Variants in KCNJ15 observed in about 807,000 individuals in gnomAD.
KCNJ15 encodes ATP-sensitive inward rectifier potassium channel 15.
Under a neutral mutation model 23.0 loss-of-function variants are expected in KCNJ15, and 14 were observed. The ratio of observed to expected loss-of-function variants is 0.61; its 90% CI spans 0.40 to 0.95. The LOEUF (loss-of-function observed/expected upper bound fraction) is 0.95. KCNJ15 is among the 40% of genes least tolerant of loss of function. KCNJ15 has a pLI of 0.00. For missense variants in KCNJ15, 388 were observed against 461.8 expected, an observed-to-expected ratio of 0.84 and a Z score of 1.46; for synonymous variants, 185 against 183.2, an observed-to-expected ratio of 1.01 and a Z score of -0.08.
chr21:38,288,752 T>C (rs191367837), intron 1 of KCNJ15, among the ~76,000 whole-genome samples: 1 of 152,330 alleles, frequency 6.6e-6, no homozygotes, highest in African/African-American at 2.4e-5. Context: ...TTGTAAATTA[T>C]ATAATGATAT....
chr21:38,266,707 G>A (rs755244173), intron 1 of KCNJ15, among the ~76,000 whole-genome samples: 2 of 152,166 alleles, frequency 1.3e-5, no homozygotes, highest in Admixed American at 6.5e-5. Context: ...GGTATTTCTG[G>A]TTCTAGATCC....
Position 38,302,115 on chromosome 21 carries a change from A to G in KCNJ15, c.*1726A>G, listed in dbSNP as rs748703745. 1.3e-5 allele frequency: 2 copies of G among 152,246 alleles called. No individual in the cohort carries two copies. The highest frequency in any genetic ancestry group is 2.4e-5 in the African/African-American group (1 of 41,454). The allele number at this position is 152,246 out of a possible 1,614,324, so 9.4% of individuals were successfully genotyped here. On this transcript the variant is annotated 3_prime_UTR_variant, in exon 3 of 3. Coordinates refer to ENST00000398938, the MANE Select transcript of KCNJ15 (RefSeq NM_170736.3). ...AGGCCCTGGCTCTTCAAGCATAATC[A>G]TGGTAGTCATCAGTGAAAGACATTT...
At chr21:38,238,733 T>C in intron 1 of KCNJ15, 1 of 385,920 alleles carries the variant, frequency 2.6e-6, no homozygotes, top group Non-Finnish European at 5.0e-6. Flanking sequence ...AGGAAGTTGT[T>C]TTCCCCACTG....
upstream of KCNJ15, chr21:38,256,631 TTTATAGTTTAC>T (rs1310506611): frequency 6.6e-6 from 1 of 151,950 alleles, no homozygotes; most frequent in Non-Finnish European, 1.5e-5. Context: ...TGGTTATTTA[TTTATAGTTTAC>T]TTAGCCAAAG....
At chr21:38,244,129 T>G (rs1318724525) in intron 1 of KCNJ15, among the ~76,000 whole-genome samples, 2 of 152,158 alleles carry the variant, frequency 1.3e-5, no homozygotes, top group Non-Finnish European at 2.9e-5. Context: ...ATTTTTTTTT[T>G]GTCTTTGTGA....
At chr21:38,254,924 C>T (rs745886128), upstream of KCNJ15, among the ~76,000 whole-genome samples, 11 of 152,154 alleles carry the variant, frequency 7.2e-5, no homozygotes, top group Admixed American at 2.6e-4. Flanking sequence ...TAAAGTTCCA[C>T]GGTAACAAAT....
At chr21:38,273,020 T>C (rs1789528652) in intron 1 of KCNJ15, among the ~76,000 whole-genome samples, 1 of 151,732 alleles carries the variant, frequency 6.6e-6, no homozygotes, top group African/African-American at 2.4e-5. Context: ...AGGTTAGATA[T>C]ACAAATAAGT....
intron 1 of KCNJ15, chr21:38,272,684 G>A (rs781160452): frequency 3.9e-5 from 6 of 152,114 alleles, no homozygotes; most frequent in African/African-American, 1.4e-4. Flanking sequence ...TTAACCTCAG[G>A]CATGACTTTT....
At position 38,304,957 on chromosome 21, in the gene KCNJ15, G is replaced by C; in HGVS notation, c.*4568G>C. On this transcript the variant is annotated 3_prime_UTR_variant, in exon 3 of 3. Transcript: ENST00000398938. ...AAGCCAGGTGTGGTGGTGCGTGCCT[G>C]TAATCCCAGCTACTCAGGAGACTGA... The C allele has an allele frequency of 6.7e-6, 1 of 150,282 alleles. No homozygotes were observed. Among genetic ancestry groups the C allele is most frequent in the South Asian group, 2.2e-4 (1 of 4,642 alleles). The allele number at this position is 150,282 out of a possible 1,614,324, so 9.3% of individuals were successfully genotyped here.
chr21:38,235,723 T>C (rs1178816120), intron 1 of KCNJ15, among the ~76,000 whole-genome samples: 2 of 152,216 alleles, frequency 1.3e-5, no homozygotes, highest in African/African-American at 2.4e-5. Context: ...GCACATTTAC[T>C]CTATCAATAA....
At chr21:38,265,290 G>A (rs992324751) in intron 1 of KCNJ15, among the ~76,000 whole-genome samples, 3 of 152,194 alleles carry the variant, frequency 2.0e-5, no homozygotes, top group African/African-American at 2.4e-5. Flanking sequence ...ACAATCAAGC[G>A]AATTTCATTG....
intron 1 of KCNJ15, among the ~76,000 whole-genome samples, chr21:38,281,138 A>T (rs777594704): frequency 2.6e-5 from 4 of 152,294 alleles, no homozygotes; most frequent in Middle Eastern, 6.8e-3. Flanking sequence ...GGGAATTCGT[A>T]TGCAAGTTTA....
In KCNJ15 at chr21:38,301,979, C is replaced by CAT. The variant is rs1033284797; in HGVS notation, c.*1591_*1592dup. 1.9e-5 allele frequency: 3 copies of CAT among 154,646 alleles called. No homozygotes were observed. Among genetic ancestry groups the CAT allele is most frequent in the African/African-American group, 7.4e-5 (3 of 40,414 alleles). 9.6% of individuals were successfully genotyped at this position (154,646 alleles called of 1,614,324 possible). A position where few individuals can be genotyped will look rare whatever the true frequency, so the allele number is the denominator to read the frequency against. ...ACAGTCACACACGCACACACACACA[C>CAT]ATGCACACACGCGCGTGCACACACG... is the stretch of plus-strand genomic sequence containing the variant. On this transcript the variant is annotated 3_prime_UTR_variant, in exon 3 of 3. Transcript: ENST00000398938.
chr21:38,295,950 G>C (rs959152370), intron 1 of KCNJ15, among the ~76,000 whole-genome samples: 5 of 152,184 alleles, frequency 3.3e-5, no homozygotes, highest in Admixed American at 3.3e-4. Flanking sequence ...CCTGTAAGAG[G>C]ATGCACAGGT....
At chr21:38,246,364 A>G (rs1334519742) in intron 1 of KCNJ15, among the ~76,000 whole-genome samples, 1 of 152,220 alleles carries the variant, frequency 6.6e-6, no homozygotes, top group African/African-American at 2.4e-5. Context: ...AGTATTGGTT[A>G]CTGTTGGCCT....
intron 1 of KCNJ15, among the ~76,000 whole-genome samples, chr21:38,243,925 C>T (rs989379633): frequency 1.3e-5 from 2 of 152,166 alleles, no homozygotes; most frequent in Non-Finnish European, 2.9e-5. Flanking sequence ...TTTCTAAAAA[C>T]GAACTCTTTG....
chr21:38,238,228 C>CA, intron 1 of KCNJ15: 2 of 564,510 alleles, frequency 3.5e-6, no homozygotes, highest in Non-Finnish European at 6.9e-6. Context: ...TTGGGGCAGT[C>CA]ACGGATGTAG....
intron 1 of KCNJ15, chr21:38,291,875 AG>A (rs1296662641): frequency 6.6e-6 from 1 of 152,244 alleles, no homozygotes; most frequent in Non-Finnish European, 1.5e-5. Context: ...GCTATATCAC[AG>A]TTCCTTTGTC....
chr21:38,300,700 A>G lies in KCNJ15; in HGVS notation c.*311A>G. The G allele has an allele frequency of 3.5e-6, 1 of 289,466 alleles. No individual in the cohort carries two copies. The highest frequency in any genetic ancestry group is 6.8e-6 in the Non-Finnish European group (1 of 146,612). The allele number at this position is 289,466 out of a possible 1,614,324, so 17.9% of individuals were successfully genotyped here. On this transcript the variant is annotated 3_prime_UTR_variant, in exon 3 of 3. Coordinates refer to ENST00000398938, the MANE Select transcript of KCNJ15 (RefSeq NM_170736.3). ...CTGTTAGATAAACAGACATTTAGCAATCCTGACATTAAAAGGAAATGTATT... is the reference window on the plus strand; with the variant it reads ...CTGTTAGATAAACAGACATTTAGCAGTCCTGACATTAAAAGGAAATGTATT...
Sources: allele counts gnomAD v4.1 joint callset (sites outside exome capture counted in the v4.1 genomes callset), GRCh38; gene constraint gnomAD v4.1.1; transcripts MANE v1.5; gene names NCBI Gene and HGNC (gene_info 2026-07-23, HGNC 2026-07-21).